Variants in CELF2 observed in about 807,000 individuals in gnomAD.
CELF2 encodes CUGBP Elav-like family member 2, also known as CUG triplet repeat RNA-binding protein 2.
Under a neutral mutation model 62.6 loss-of-function variants are expected in CELF2, and 8 were observed. That is an observed-to-expected ratio of 0.13 (90% CI 0.07 to 0.23). The LOEUF is 0.23. Among genes scored for constraint, CELF2 ranks in the 10% least tolerant of loss-of-function variants. The pLI is 1.00. For synonymous variants in CELF2, 258 were observed against 250.0 expected (o/e 1.03, Z -0.30); for missense variants, 333 against 671.0 (o/e 0.50, Z 5.56).
chr10:11,191,385 C>T lies in CELF2; in HGVS notation c.271+25703C>T, dbSNP rs114267078. On this transcript the variant is annotated intron_variant, in intron 2 of 12. Transcript: ENST00000633077. The surrounding 1 kb of genome is among the most constrained non-coding windows in gnomAD (Gnocchi z 4.1). ...ATAAGGGGCTCCATCACACATGTACCCGTCCTCTATTGTGTGGGAGGTACC... is the reference window on the plus strand; with the variant it reads ...ATAAGGGGCTCCATCACACATGTACTCGTCCTCTATTGTGTGGGAGGTACC... 5.8e-3 allele frequency among the ~76,000 whole-genome samples: 888 copies of T among 152,266 alleles called. 11 individuals are homozygous for T. The highest frequency in any genetic ancestry group is 0.02 in the African/African-American group (840 of 41,540).
chr10:11,282,624 C>G (rs1249199720), intron 8 of CELF2, among the ~76,000 whole-genome samples: 2 of 152,350 alleles, frequency 1.3e-5, no homozygotes, highest in South Asian at 4.1e-4. Context: ...ATTGTTTGAG[C>G]TTTCTATGTG....
chr10:11,161,750 A>AT (rs147722608), intron 1 of CELF2, among the ~76,000 whole-genome samples: 24 of 152,194 alleles, frequency 1.6e-4, no homozygotes, highest in Admixed American at 3.3e-4. Flanking sequence ...AGCTAGTCTG[A>AT]TTTTCTAAGC....
rs1291494714 is a variant in CELF2, at chr10:11,243,214, C to T, written c.355-5939C>T. On this transcript the variant is annotated intron_variant, in intron 3 of 12. Coordinates refer to ENST00000633077, the MANE Select transcript of CELF2 (RefSeq NM_001326342.2). The surrounding 1 kb of genome is among the most constrained non-coding windows in gnomAD (Gnocchi z 4.1). The stretch of plus-strand genomic sequence containing the variant: ...CTTGGGACCGCGCTTGACTCTAGTT[C>T]CTTCTCCCCGGGAGGGAGAAAGGGA... Among the ~76,000 whole-genome samples the T allele has an allele frequency of 6.6e-6, 1 of 152,070 alleles. No homozygotes were observed. Among genetic ancestry groups the T allele is most frequent in the African/African-American group, 2.4e-5 (1 of 41,400 alleles).
intron 3 of CELF2, among the ~76,000 whole-genome samples, chr10:11,238,547 T>C (rs1245085819): frequency 6.6e-6 from 1 of 152,192 alleles, no homozygotes; most frequent in Non-Finnish European, 1.5e-5. Flanking sequence ...ATCACAAAGG[T>C]GCATTGACAT....
the CELF2 span, among the ~76,000 whole-genome samples, chr10:10,677,492 T>C: frequency 3.5e-4 from 54 of 152,326 alleles, no homozygotes; most frequent in African/African-American, 1.2e-3. Context: ...TAGGTACTTA[T>C]TGAAAAATGC....
upstream of CELF2, among the ~76,000 whole-genome samples, chr10:10,793,654 A>G (rs2053979791): frequency 1.3e-5 from 2 of 152,208 alleles, no homozygotes; most frequent in African/African-American, 2.4e-5. Context: ...GGAATTCCCT[A>G]ATTTTCCATA....
intron 8 of CELF2, among the ~76,000 whole-genome samples, chr10:11,279,713 T>A (rs2087574255): frequency 1.3e-5 from 2 of 152,220 alleles, no homozygotes; most frequent in Admixed American, 1.3e-4. Context: ...AACATTAAAT[T>A]AAATTTTCAT....
At chr10:11,062,696 A>T (rs1253141340) in intron 1 of CELF2, among the ~76,000 whole-genome samples, 1 of 152,242 alleles carries the variant, frequency 6.6e-6, no homozygotes, top group African/African-American at 2.4e-5. Context: ...CTGGAGATGG[A>T]CACCTGGTGA....
the CELF2 span, among the ~76,000 whole-genome samples, chr10:10,740,643 T>C: frequency 5.3e-3 from 808 of 152,308 alleles, 9 homozygotes; most frequent in African/African-American, 0.019. Flanking sequence ...GTTAACAGTA[T>C]TTACAATAGT....
rs777562438 is a variant in CELF2, at chr10:11,247,668, T to G, written c.355-1485T>G. Among the ~76,000 whole-genome samples, 21 of 152,046 alleles carry G rather than the reference T, an allele frequency of 1.4e-4. No homozygotes were observed. The highest frequency in any genetic ancestry group is 2.8e-4 in the Non-Finnish European group (19 of 67,998). ...GAGGACCTTCTTCACTGGCCTTTGT[T>G]CCCAGTTTTTGGCCTAGAGACTGAC... On this transcript the variant is annotated intron_variant, in intron 3 of 12. Transcript: ENST00000633077. The surrounding 1 kb of genome is among the most constrained non-coding windows in gnomAD (Gnocchi z 5.4).
chr10:11,155,395 G>T (rs1239455145), intron 1 of CELF2, among the ~76,000 whole-genome samples: 1 of 152,170 alleles, frequency 6.6e-6, no homozygotes, highest in African/African-American at 2.4e-5. Flanking sequence ...GCCTATTGCA[G>T]AGCCTCCCTT....
chr10:10,869,501 G>A (rs1020671568), intron 1 of CELF2, among the ~76,000 whole-genome samples: 1 of 152,068 alleles, frequency 6.6e-6, no homozygotes, highest in Non-Finnish European at 1.5e-5. Context: ...GGCAGAGGTT[G>A]CAGTGAACCA....
the CELF2 span, among the ~76,000 whole-genome samples, chr10:10,534,330 A>G: frequency 2.6e-5 from 4 of 152,364 alleles, no homozygotes; most frequent in East Asian, 7.7e-4. Context: ...TGAAAATAGC[A>G]AAATAATTTG....
At chr10:10,607,884 A>C in the CELF2 span, among the ~76,000 whole-genome samples, 1 of 152,088 alleles carries the variant, frequency 6.6e-6, no homozygotes, top group Non-Finnish European at 1.5e-5. Flanking sequence ...TGAACCCAGG[A>C]GGTGGGAGGT....
intron 1 of CELF2, among the ~76,000 whole-genome samples, chr10:11,146,704 T>C (rs1285821967): frequency 6.6e-6 from 1 of 152,230 alleles, no homozygotes; most frequent in East Asian, 1.9e-4. Context: ...TCTCATAATC[T>C]AAGAGGACTT....
chr10:11,297,760 TC>T lies in CELF2; in HGVS notation c.976+9211del, dbSNP rs2093339648. Among the ~76,000 whole-genome samples the T allele has an allele frequency of 6.6e-6, 1 of 152,056 alleles. No homozygotes were observed. Among genetic ancestry groups the T allele is most frequent in the Non-Finnish European group, 1.5e-5 (1 of 67,992 alleles). On this transcript the variant is annotated intron_variant, in intron 9 of 12. Coordinates refer to ENST00000633077, the MANE Select transcript of CELF2 (RefSeq NM_001326342.2). This position sits in a 1 kb window ranked among gnomAD's most constrained non-coding sequence, Gnocchi z 4.4. Reference sequence around the variant, plus strand: ...CTGAGGCAGGAGTTCCTTGAGGAACTCCCTGAGGCCAGGAGTTTGAGACCAG... The same window carrying T: ...CTGAGGCAGGAGTTCCTTGAGGAACTCCTGAGGCCAGGAGTTTGAGACCAG...
At chr10:11,068,670 C>T (rs1195021036) in intron 1 of CELF2, among the ~76,000 whole-genome samples, 5 of 152,002 alleles carry the variant, frequency 3.3e-5, no homozygotes, top group Non-Finnish European at 5.9e-5. Flanking sequence ...ACGCCATTCT[C>T]CTGCCTCAGC....
rs1257346059 is a variant in CELF2 at position 11,117,407 on chromosome 10, G to A, written c.75-48079G>A. 6.6e-6 allele frequency among the ~76,000 whole-genome samples: 1 copy of A among 152,130 alleles called. No individual in the cohort carries two copies. Among genetic ancestry groups the A allele is most frequent in the Non-Finnish European group, 1.5e-5 (1 of 68,024 alleles). Reference sequence around the variant, plus strand: ...TGTAGAAATTGGTTAGGTATCATTCGAAAAAGCCAGTGGCTCTCCAGGAAT... The same window carrying A: ...TGTAGAAATTGGTTAGGTATCATTCAAAAAAGCCAGTGGCTCTCCAGGAAT... On this transcript the variant is annotated intron_variant, in intron 1 of 12. Coordinates refer to ENST00000633077, the MANE Select transcript of CELF2 (RefSeq NM_001326342.2). This position sits in a 1 kb window ranked among gnomAD's most constrained non-coding sequence, Gnocchi z 4.1.
chr10:10,856,686 A>C (rs2059730663), intron 1 of CELF2, among the ~76,000 whole-genome samples: 1 of 152,150 alleles, frequency 6.6e-6, no homozygotes. Context: ...CTACTCGTGC[A>C]CTCATTTACA....
Sources: allele counts gnomAD v4.1 joint callset (sites outside exome capture counted in the v4.1 genomes callset), GRCh38; gene constraint gnomAD v4.1.1; non-coding constraint Gnocchi (gnomAD v3.1); transcripts MANE v1.5; gene names NCBI Gene and HGNC (gene_info 2026-07-23, HGNC 2026-07-21).